FBXO4: variants seen among roughly 807,000 people sequenced by gnomAD.
FBXO4 encodes F-box only protein 4.
Under a neutral mutation model 43.7 loss-of-function variants are expected in FBXO4, and 36 were observed. That is an observed-to-expected ratio of 0.82 (90% CI 0.63 to 1.09). The LOEUF (loss-of-function observed/expected upper bound fraction) is 1.09. FBXO4 is among the 50% of genes least tolerant of loss of function. FBXO4 has a pLI of 0.00. For missense variants in FBXO4, 435 were observed against 474.1 expected (o/e 0.92, Z 0.77); for synonymous variants, 180 against 165.6 (o/e 1.09, Z -0.67).
chr5:41,984,423 G>A, the FBXO4 span, among the ~76,000 whole-genome samples: 1 of 152,178 alleles, frequency 6.6e-6, no homozygotes, highest in Non-Finnish European at 1.5e-5. Flanking sequence ...TAGAGGGGTA[G>A]CTCAGCTAGG....
At chr5:41,975,948 C>A in the FBXO4 span, among the ~76,000 whole-genome samples, 1 of 152,016 alleles carries the variant, frequency 6.6e-6, no homozygotes, top group African/African-American at 2.4e-5. Flanking sequence ...AAGAAGCTTA[C>A]AATCGTGGTG....
chr5:41,925,359 T>A lies in FBXO4; in HGVS notation c.50T>A (p.Phe17Tyr), dbSNP rs765044998. Residue 17 changes from phenylalanine to tyrosine, a missense_variant, in exon 1 of 7, where the codon TTC becomes TAC. Transcript: ENST00000281623. ...GGAACAAACTCGCCGCCGCCGCCCT[T>A]CAGCGACTGGGGCCGCCTGGAGGCG... ...RSGTNSPPPP[F>Y]SDWGRLEAAI... The A allele has an allele frequency of 6.6e-6, 9 of 1,371,822 alleles. No individual in the cohort carries two copies. The highest frequency in any genetic ancestry group is 8.5e-6 in the Non-Finnish European group (9 of 1,058,468). The allele number at this position is 1,371,822 out of a possible 1,614,324, so 85.0% of individuals were successfully genotyped here.
At chr5:41,926,684 G>A (rs1436163840) in intron 1 of FBXO4, among the ~76,000 whole-genome samples, 1 of 152,222 alleles carries the variant, frequency 6.6e-6, no homozygotes, top group Non-Finnish European at 1.5e-5. Flanking sequence ...ACTAATTTAT[G>A]TAACTAACTG....
At chr5:41,994,814 T>C in the FBXO4 span, among the ~76,000 whole-genome samples, 1 of 152,156 alleles carries the variant, frequency 6.6e-6, no homozygotes, top group Non-Finnish European at 1.5e-5. Context: ...CCTCTGGAAC[T>C]AAGACCTCTA....
At chr5:42,014,476 G>A in the FBXO4 span, among the ~76,000 whole-genome samples, 1 of 152,024 alleles carries the variant, frequency 6.6e-6, no homozygotes, top group Non-Finnish European at 1.5e-5. Flanking sequence ...AACTATATAG[G>A]CATTTTAGGT....
chr5:41,947,329 G>T, the FBXO4 span, among the ~76,000 whole-genome samples: 2 of 152,192 alleles, frequency 1.3e-5, no homozygotes, highest in Admixed American at 6.5e-5. Context: ...GACAGAGGAA[G>T]GATTAAAATG....
At chr5:41,949,545 C>T in the FBXO4 span, among the ~76,000 whole-genome samples, 1 of 152,106 alleles carries the variant, frequency 6.6e-6, no homozygotes, top group Admixed American at 6.5e-5. Context: ...CTACAAACCA[C>T]GGCTCAAGGA....
the FBXO4 span, among the ~76,000 whole-genome samples, chr5:41,952,405 T>C: frequency 6.6e-6 from 1 of 152,232 alleles, no homozygotes; most frequent in Non-Finnish European, 1.5e-5. Context: ...AAAAATTGAC[T>C]AATTTATATA....
chr5:41,965,370 C>CT, the FBXO4 span, among the ~76,000 whole-genome samples: 3 of 152,102 alleles, frequency 2.0e-5, no homozygotes, highest in African/African-American at 7.2e-5. Context: ...AATATGGGCT[C>CT]TTTTTTGGTT....
the FBXO4 span, among the ~76,000 whole-genome samples, chr5:42,031,314 T>C: frequency 6.6e-6 from 1 of 152,026 alleles, no homozygotes; most frequent in African/African-American, 2.4e-5. Flanking sequence ...TGTAGGGACA[T>C]GGACGAAACT....
the FBXO4 span, among the ~76,000 whole-genome samples, chr5:41,973,302 A>G: frequency 6.6e-6 from 1 of 152,202 alleles, no homozygotes; most frequent in East Asian, 1.9e-4. Flanking sequence ...CAAGCACCCA[A>G]CGCGCATATT....
rs569029311 is a variant in FBXO4 at position 41,933,864 on chromosome 5, G to A, written c.647-82G>A. ...ATAGAATTTTTTCTTTACTCTTTTT[G>A]CTTTCACCGGGTAATTTTCAGTGTG... On this transcript the variant is annotated intron_variant, in intron 3 of 6. Transcript: ENST00000281623. 4 of 1,105,598 alleles carry A rather than the reference G, an allele frequency of 3.6e-6. No homozygotes were observed. In the South Asian group the frequency reaches 5.9e-5, roughly 16 times the overall value. The allele number at this position is 1,105,598 out of a possible 1,614,324, so 68.5% of individuals were successfully genotyped here.
chr5:41,967,132 A>T, the FBXO4 span: 1 of 359,696 alleles, frequency 2.8e-6, no homozygotes, highest in Non-Finnish European at 5.5e-6. Flanking sequence ...TAGAAGACAC[A>T]AGAGTTAGTT....
chr5:41,983,671 A>G, the FBXO4 span, among the ~76,000 whole-genome samples: 136 of 152,002 alleles, frequency 8.9e-4, no homozygotes, highest in African/African-American at 3.2e-3. Context: ...TTTTTAGGCA[A>G]ACTGATTTTG....
At chr5:41,926,613 GATGATAAAAT>G (rs1484201329) in intron 1 of FBXO4, among the ~76,000 whole-genome samples, 6 of 152,160 alleles carry the variant, frequency 3.9e-5, no homozygotes, top group African/African-American at 1.4e-4. Flanking sequence ...GATTTGGTCT[GATGATAAAAT>G]CAGATAAAGG....
At chr5:41,943,812 A>G (rs796681263), downstream of FBXO4, among the ~76,000 whole-genome samples, 20 of 152,180 alleles carry the variant, frequency 1.3e-4, no homozygotes, top group Non-Finnish European at 2.9e-5. Context: ...ACACCTCACA[A>G]TGTGACTGTA....
At chr5:42,021,361 T>C in the FBXO4 span, among the ~76,000 whole-genome samples, 75 of 152,142 alleles carry the variant, frequency 4.9e-4, no homozygotes, top group Admixed American at 1.1e-3. Flanking sequence ...GAGAAGGAAA[T>C]GGAAGAATCA....
At chr5:42,024,651 C>G in the FBXO4 span, among the ~76,000 whole-genome samples, 1 of 151,918 alleles carries the variant, frequency 6.6e-6, no homozygotes. Context: ...TTTATTCATT[C>G]TTTATAAATA....
At chr5:41,959,563 C>T in the FBXO4 span, among the ~76,000 whole-genome samples, 1 of 151,954 alleles carries the variant, frequency 6.6e-6, no homozygotes, top group Non-Finnish European at 1.5e-5. Flanking sequence ...TTTGCATGTG[C>T]TTTGAGACGA....
Sources: gnomAD v4.1 joint callset for allele counts (sites outside exome capture counted in the v4.1 genomes callset) on GRCh38, gnomAD v4.1.1 for gene constraint, MANE v1.5 for transcripts, NCBI Gene and HGNC (gene_info 2026-07-23, HGNC 2026-07-21) for gene names.